ADGRL2: variants seen among roughly 807,000 people sequenced by gnomAD.
ADGRL2 encodes the protein adhesion G protein-coupled receptor L2, also known as calcium-independent alpha-latrotoxin receptor 2.
Under a neutral mutation model 157.4 loss-of-function variants are expected in ADGRL2, and 44 were observed. The observed-to-expected ratio is 0.28, with a 90% CI of 0.22 to 0.36. The LOEUF (loss-of-function observed/expected upper bound fraction) is 0.36, where lower values mean the gene tolerates loss of function less well. Ranked by LOEUF, ADGRL2 falls within the 10% of genes least tolerant of loss-of-function variation. The pLI is 1.00. For missense variants in ADGRL2, 1,510 were observed against 1,768.9 expected (o/e 0.85, Z 2.63); for synonymous variants, 585 against 624.7 (o/e 0.94, Z 0.95).
intron 1 of ADGRL2, among the ~76,000 whole-genome samples, chr1:81,332,639 T>C (rs1661351922): frequency 6.6e-6 from 1 of 152,184 alleles, no homozygotes; most frequent in South Asian, 2.1e-4. Flanking sequence ...GGTTGAAATG[T>C]ACCCAAAATA....
chr1:81,842,736 C>G (rs1557755433), intron 2 of ADGRL2, among the ~76,000 whole-genome samples: 2 of 152,010 alleles, frequency 1.3e-5, no homozygotes. Context: ...TATTTTTCCT[C>G]TTAGGGATAA....
chr1:81,810,974 A>T (rs1204199282), intron 1 of ADGRL2, among the ~76,000 whole-genome samples: 2 of 151,900 alleles, frequency 1.3e-5, no homozygotes, highest in African/African-American at 4.8e-5. Context: ...ATAGCTCAAT[A>T]GATGAATAAA....
At chr1:81,405,011 A>C in intron 1 of ADGRL2, among the ~76,000 whole-genome samples, 1 of 152,198 alleles carries the variant, frequency 6.6e-6, no homozygotes, top group Non-Finnish European at 1.5e-5. Flanking sequence ...TTATTCCTCA[A>C]GAGTGTTGAG....
At chr1:81,469,665 T>C (rs1406870477) in intron 2 of ADGRL2, among the ~76,000 whole-genome samples, 1 of 152,208 alleles carries the variant, frequency 6.6e-6, no homozygotes, top group Non-Finnish European at 1.5e-5. Context: ...CTTTCTTCAA[T>C]CTTCATCCAA....
At chr1:81,533,690 T>G (rs2079661028) in intron 2 of ADGRL2, among the ~76,000 whole-genome samples, 1 of 152,230 alleles carries the variant, frequency 6.6e-6, no homozygotes, top group African/African-American at 2.4e-5. Context: ...CTACATGCAT[T>G]GAAAGCATAG....
At chr1:81,322,096 A>ATATATGTG (rs1553153259) in intron 1 of ADGRL2, among the ~76,000 whole-genome samples, 1 of 115,756 alleles carries the variant, frequency 8.6e-6, no homozygotes, top group Non-Finnish European at 1.9e-5. Flanking sequence ...TCATATATAT[A>ATATATGTG]TATATATATA....
intron 3 of ADGRL2, among the ~76,000 whole-genome samples, chr1:81,926,651 A>AT (rs1308917500): frequency 2.6e-5 from 4 of 151,876 alleles, no homozygotes; most frequent in Non-Finnish European, 5.9e-5. Context: ...CAGAAGCATT[A>AT]TTTTTTTAAG....
intron 1 of ADGRL2, among the ~76,000 whole-genome samples, chr1:81,378,208 C>T (rs111287909): frequency 0.022 from 3,330 of 151,176 alleles, 68 homozygotes; most frequent in Non-Finnish European, 0.034. Flanking sequence ...CACAATGGTT[C>T]ACAATACCTA....
intron 2 of ADGRL2, chr1:81,503,511 A>G (rs544512133): frequency 1.3e-6 from 2 of 1,592,090 alleles, no homozygotes; most frequent in Non-Finnish European, 1.7e-6. Context: ...TCCAGTCGAG[A>G]GTGAAGGAAG....
intron 16 of ADGRL2, among the ~76,000 whole-genome samples, chr1:81,970,772 A>G (rs1658498840): frequency 6.6e-6 from 1 of 152,164 alleles, no homozygotes. Context: ...CAAAAGATTG[A>G]CCTGAAACAA....
At chr1:81,543,008 C>CTTTTTTTTTTTTTTTGTT (rs199767965) in intron 2 of ADGRL2, among the ~76,000 whole-genome samples, 1 of 134,682 alleles carries the variant, frequency 7.4e-6, no homozygotes. Flanking sequence ...TTTTATCTTG[C>CTTTTTTTTTTTTTTTGTT]TTTTTTTTTT....
rs568708911 is a variant in ADGRL2 at position 81,779,259 on chromosome 1, T to C, written c.-101+17407T>C. Among the ~76,000 whole-genome samples the C allele has an allele frequency of 5.3e-5, 8 of 152,178 alleles. No individual in the cohort carries two copies. The South Asian group carries it at 1.7e-3, about 32-fold the overall frequency. ...GCAATCAGTGATGGGAAGAATGAAATGTCTAAGGGGTTCGAGAAGTCTGAG... is the reference window on the plus strand; with the variant it reads ...GCAATCAGTGATGGGAAGAATGAAACGTCTAAGGGGTTCGAGAAGTCTGAG... On this transcript the variant is annotated intron_variant, in intron 2 of 20. Transcript: ENST00000359929.
intron 1 of ADGRL2, among the ~76,000 whole-genome samples, chr1:81,376,602 T>C (rs2076255084): frequency 6.6e-6 from 1 of 151,582 alleles, no homozygotes; most frequent in African/African-American, 2.4e-5. Flanking sequence ...CTTGCTTCTT[T>C]CCTCCCATCC....
chr1:81,817,841 G>A (rs1166567793), intron 1 of ADGRL2, among the ~76,000 whole-genome samples: 1 of 151,834 alleles, frequency 6.6e-6, no homozygotes, highest in Non-Finnish European at 1.5e-5. Context: ...TTATTGAGAC[G>A]CACAGCACTA....
At chr1:81,407,704 A>G (rs967044343) in intron 1 of ADGRL2, among the ~76,000 whole-genome samples, 1 of 152,258 alleles carries the variant, frequency 6.6e-6, no homozygotes, top group African/African-American at 2.4e-5. Flanking sequence ...CTAACTAACC[A>G]TTAAAGCCAA....
chr1:81,821,341 C>CA, intron 1 of ADGRL2, among the ~76,000 whole-genome samples: 1 of 152,182 alleles, frequency 6.6e-6, no homozygotes, highest in South Asian at 2.1e-4. Flanking sequence ...AAAGGCGGCC[C>CA]AAATTTTTAG....
Position 81,612,820 on chromosome 1 carries a change from G to A in ADGRL2, c.-143+31840G>A, listed in dbSNP as rs142849107. Reference sequence around the variant, plus strand: ...ACAGGTATATGAAAAAATGCTGAACGATGCTACTCATCAGACAAATGCACA... The same window carrying A: ...ACAGGTATATGAAAAAATGCTGAACAATGCTACTCATCAGACAAATGCACA... On this transcript the variant is annotated intron_variant, in intron 3 of 24. Coordinates refer to the ADGRL2 transcript ENST00000370721. Among the ~76,000 whole-genome samples the A allele has an allele frequency of 2.5e-3, 384 of 152,162 alleles. 2 individuals are homozygous for A. The highest frequency in any genetic ancestry group is 0.01 in the Middle Eastern group (3 of 294).
intron 1 of ADGRL2, among the ~76,000 whole-genome samples, chr1:81,349,639 CACACACA>C (rs1311385635): frequency 3.4e-5 from 1 of 29,846 alleles, no homozygotes; most frequent in East Asian, 4.6e-4. Flanking sequence ...GCTACACACA[CACACACA>C]CACACACACA....
At chr1:81,764,514 T>C (rs896628424) in intron 2 of ADGRL2, among the ~76,000 whole-genome samples, 3 of 152,134 alleles carry the variant, frequency 2.0e-5, no homozygotes, top group African/African-American at 7.2e-5. Context: ...CAAGTTTTTC[T>C]TTCCATCATA....
Sources: allele counts gnomAD v4.1 joint callset (sites outside exome capture counted in the v4.1 genomes callset), GRCh38; gene constraint gnomAD v4.1.1; transcripts MANE v1.5; gene names NCBI Gene and HGNC (gene_info 2026-07-23, HGNC 2026-07-21).